Variants in MAPRE2 observed in about 807,000 individuals in gnomAD.
MAPRE2 encodes microtubule-associated protein RP/EB family member 2.
In MAPRE2, 13 loss-of-function variants were observed where a neutral mutation model predicts 43.2. The ratio of observed to expected loss-of-function variants is 0.30; its 90% CI spans 0.20 to 0.48. The LOEUF is 0.48. Ranked by LOEUF, MAPRE2 falls within the 20% of genes least tolerant of loss-of-function variation. The pLI, the probability that MAPRE2 is intolerant of heterozygous loss-of-function variation, is 0.99. For missense variants in MAPRE2, 161 were observed against 400.2 expected (o/e 0.40, Z 5.10); for synonymous variants, 135 against 148.8 (o/e 0.91, Z 0.68).
At chr18:35,108,148 G>T (rs1030936278) in intron 4 of MAPRE2, among the ~76,000 whole-genome samples, 1 of 152,118 alleles carries the variant, frequency 6.6e-6, no homozygotes, top group African/African-American at 2.4e-5. Context: ...ACAGGCCCCA[G>T]TGTATGATGT....
chr18:35,041,403 C>A (rs1378237773), upstream of MAPRE2: 31 of 1,521,944 alleles, frequency 2.0e-5, no homozygotes, highest in Non-Finnish European at 2.5e-5. Flanking sequence ...GGGGCGCGAG[C>A]GAGAGCTGGG....
chr18:35,114,770 G>T (rs1178089841), intron 4 of MAPRE2, among the ~76,000 whole-genome samples: 2 of 152,120 alleles, frequency 1.3e-5, no homozygotes, highest in Non-Finnish European at 2.9e-5. Context: ...TTTTAAAACA[G>T]CATTGGGTCA....
intron 2 of MAPRE2, among the ~76,000 whole-genome samples, chr18:35,030,169 C>T (rs945458811): frequency 6.6e-6 from 1 of 152,122 alleles, no homozygotes; most frequent in African/African-American, 2.4e-5. Flanking sequence ...AGCTCCTCTC[C>T]CTCCATTTCT....
chr18:35,004,446 G>A (rs371578954), intron 1 of MAPRE2, among the ~76,000 whole-genome samples: 6 of 152,122 alleles, frequency 3.9e-5, no homozygotes, highest in African/African-American at 1.4e-4. Flanking sequence ...GCAGCATCCA[G>A]TTGAAACATA....
chr18:35,110,632 G>T (rs1411299058), intron 4 of MAPRE2, among the ~76,000 whole-genome samples: 16 of 152,124 alleles, frequency 1.1e-4, no homozygotes, highest in Admixed American at 1.0e-3. Context: ...TGCAGGTCCA[G>T]TGGCAAAAAT....
intron 4 of MAPRE2, among the ~76,000 whole-genome samples, chr18:35,106,687 G>T (rs1908923717): frequency 6.6e-6 from 1 of 152,002 alleles, no homozygotes; most frequent in Admixed American, 6.6e-5. Flanking sequence ...GAATAGTTTG[G>T]CTGTGGCTTC....
intron 1 of MAPRE2, among the ~76,000 whole-genome samples, chr18:34,977,369 G>T (rs1052178027): frequency 1.8e-4 from 28 of 152,348 alleles, no homozygotes; most frequent in African/African-American, 6.7e-4. Flanking sequence ...GGGAGTTGGG[G>T]CTGCCACGCT....
intron 1 of MAPRE2, among the ~76,000 whole-genome samples, chr18:35,064,368 C>G (rs547430255): frequency 7.6e-6 from 1 of 131,412 alleles, no homozygotes; most frequent in African/African-American, 3.5e-5. Context: ...AATGAGTGAT[C>G]GGTGAAGTGT....
chr18:34,988,211 A>ATAT (rs2097021985), intron 1 of MAPRE2, among the ~76,000 whole-genome samples: 1 of 152,220 alleles, frequency 6.6e-6, no homozygotes, highest in Admixed American at 6.5e-5. Flanking sequence ...ATTCCAAACT[A>ATAT]TTCTTGTGAA....
Position 35,057,781 on chromosome 18 carries a change from G to A in MAPRE2, c.123-12414G>A, listed in dbSNP as rs150202951. Among the ~76,000 whole-genome samples the A allele has an allele frequency of 7.9e-5, 12 of 152,210 alleles. No homozygotes were observed. The East Asian group carries it at 2.3e-3, about 29-fold the overall frequency. On this transcript the variant is annotated intron_variant, in intron 1 of 6. Transcript: ENST00000300249. ...AAGATACAGGGAAATCCATTCTCTG[G>A]CTGAAATGAGAGAATCATTTCACAT... is the stretch of plus-strand genomic sequence containing the variant.
intron 2 of MAPRE2, among the ~76,000 whole-genome samples, chr18:35,086,394 A>G (rs191499705): frequency 1.6e-4 from 24 of 152,072 alleles, no homozygotes; most frequent in African/African-American, 5.3e-4. Flanking sequence ...AATTCTTATG[A>G]GTGTATATAT....
At chr18:35,080,596 T>C (rs1231755434) in intron 2 of MAPRE2, among the ~76,000 whole-genome samples, 1 of 152,208 alleles carries the variant, frequency 6.6e-6, no homozygotes, top group Non-Finnish European at 1.5e-5. Flanking sequence ...GCCAAACATC[T>C]CCAAATTCTT....
At chr18:35,026,175 G>C (rs759755004) in intron 2 of MAPRE2, among the ~76,000 whole-genome samples, 1 of 151,960 alleles carries the variant, frequency 6.6e-6, no homozygotes, top group Non-Finnish European at 1.5e-5. Context: ...GGAGAGGAAT[G>C]GGCAGGACAT....
chr18:35,064,726 A>G (rs781191652), intron 1 of MAPRE2, among the ~76,000 whole-genome samples: 1 of 152,220 alleles, frequency 6.6e-6, no homozygotes, highest in Non-Finnish European at 1.5e-5. Flanking sequence ...TGTAGTAAGC[A>G]GAAATACAGT....
chr18:34,978,583 C>G (rs747392746), intron 1 of MAPRE2: 3 of 1,549,160 alleles, frequency 1.9e-6, no homozygotes, highest in Non-Finnish European at 2.6e-6. Flanking sequence ...TTCTCCTGAA[C>G]GCTAAATTTG....
At chr18:35,114,222 CTA>C (rs1404569748) in intron 4 of MAPRE2, among the ~76,000 whole-genome samples, 2 of 152,206 alleles carry the variant, frequency 1.3e-5, no homozygotes, top group Non-Finnish European at 2.9e-5. Context: ...CCTCCCCACA[CTA>C]TGCTGAACCA....
chr18:35,014,385 GA>G (rs1224840247), intron 2 of MAPRE2, among the ~76,000 whole-genome samples: 3 of 124,986 alleles, frequency 2.4e-5, no homozygotes, highest in Non-Finnish European at 5.2e-5. Flanking sequence ...CGGGCAGGGT[GA>G]TTTTTTTTTT....
intron 2 of MAPRE2, among the ~76,000 whole-genome samples, chr18:35,029,500 AT>A (rs1300318604): frequency 1.3e-5 from 2 of 152,196 alleles, no homozygotes; most frequent in Non-Finnish European, 2.9e-5. Flanking sequence ...TGGAATGACC[AT>A]TGCCCCACTT....
intron 2 of MAPRE2, among the ~76,000 whole-genome samples, chr18:35,012,708 C>T (rs2097035552): frequency 6.6e-6 from 1 of 152,032 alleles, no homozygotes; most frequent in Non-Finnish European, 1.5e-5. Context: ...TTCATGGAGA[C>T]AGAAAGTTGA....
Sources: allele counts gnomAD v4.1 joint callset (sites outside exome capture counted in the v4.1 genomes callset), GRCh38; gene constraint gnomAD v4.1.1; transcripts MANE v1.5; gene names NCBI Gene and HGNC (gene_info 2026-07-23, HGNC 2026-07-21).